The following DOP1A variants were observed in gnomAD, a reference collection of about 807,000 sequenced individuals.
The protein encoded by DOP1A is protein DOP1A.
A neutral mutation model predicts 267.6 loss-of-function variants in DOP1A; 90 were observed. The ratio of observed to expected loss-of-function variants is 0.34; its 90% CI spans 0.28 to 0.40. The LOEUF (loss-of-function observed/expected upper bound fraction) is 0.40. Ranked by LOEUF, DOP1A falls within the 10% of genes least tolerant of loss-of-function variation. DOP1A has a pLI of 1.00. For missense variants in DOP1A, 2,437 were observed against 2,900.4 expected (o/e 0.84, Z 3.67); for synonymous variants, 932 against 999.1 (o/e 0.93, Z 1.27).
chr6:83,152,708 C>A (rs886872612), intron 30 of DOP1A, among the ~76,000 whole-genome samples: 2 of 150,732 alleles, frequency 1.3e-5, no homozygotes, highest in African/African-American at 2.4e-5. Flanking sequence ...ACCTCTGCCT[C>A]CCGGGCTCAA....
At chr6:83,156,611 C>A (rs1782854752) in intron 34 of DOP1A, among the ~76,000 whole-genome samples, 1 of 152,124 alleles carries the variant, frequency 6.6e-6, no homozygotes, top group Non-Finnish European at 1.5e-5. Context: ...CCCTGTACCA[C>A]CAAATAGCTC....
intron 33 of DOP1A, 148 bp from the exon 34 acceptor site, chr6:83,155,803 C>T: frequency 2.3e-6 from 2 of 859,992 alleles, no homozygotes; most frequent in Non-Finnish European, 3.4e-6. Flanking sequence ...TGTTTGCCAG[C>T]CTGTCTGCCC....
Position 83,131,512 on chromosome 6 carries a change from G to A in DOP1A, c.2617-664G>A, listed in dbSNP as rs556335477. Reference sequence around the variant, plus strand: ...TCAACTATGAATTATTTTTCACTCTGTAATATACAACCATAAATATTAAAT... The same window carrying A: ...TCAACTATGAATTATTTTTCACTCTATAATATACAACCATAAATATTAAAT... On this transcript the variant is annotated intron_variant, in intron 17 of 38. Coordinates refer to ENST00000349129, the MANE Select transcript of DOP1A (RefSeq NM_015018.4). Among the ~76,000 whole-genome samples, 21 of 152,184 alleles carry A rather than the reference G, an allele frequency of 1.4e-4. 1 individual carries two copies. The South Asian group carries it at 4.2e-3, about 30-fold the overall frequency.
chr6:83,115,129 T>C (rs534046031), intron 7 of DOP1A, among the ~76,000 whole-genome samples: 38 of 152,318 alleles, frequency 2.5e-4, no homozygotes, highest in African/African-American at 8.9e-4. Flanking sequence ...GCTACACTTC[T>C]TTAACTTGTT....
intron 15 of DOP1A, 141 bp from the exon 16 acceptor site, chr6:83,128,746 A>T: frequency 1.1e-6 from 1 of 879,268 alleles, no homozygotes; most frequent in Non-Finnish European, 1.6e-6. Flanking sequence ...TGAATAAATC[A>T]GTGTGGGGCT....
Position 83,109,085 on chromosome 6 carries a change from GATC to G in DOP1A, c.491+8_491+10del. 1 of 1,607,442 alleles carries G rather than the reference GATC, an allele frequency of 6.2e-7. No homozygotes were observed. The highest frequency in any genetic ancestry group is 2.2e-5 in the East Asian group (1 of 44,746). On this transcript the variant is annotated splice_donor_region_variant and intron_variant, in intron 5 of 38. Coordinates refer to ENST00000349129, the MANE Select transcript of DOP1A (RefSeq NM_015018.4). ...AGGATCAGAGTACTATGAGAGGTAA[GATC>G]ATATTTGGTGCAGTTATGTAATTGA...
At chr6:83,069,066 T>A (rs957269898) in intron 1 of DOP1A, among the ~76,000 whole-genome samples, 1 of 152,184 alleles carries the variant, frequency 6.6e-6, no homozygotes, top group Non-Finnish European at 1.5e-5. Flanking sequence ...TTCAAAGAAG[T>A]CCTATTTTGT....
chr6:83,093,906 T>C (rs1181030949), intron 1 of DOP1A, among the ~76,000 whole-genome samples: 1 of 152,194 alleles, frequency 6.6e-6, no homozygotes, highest in African/African-American at 2.4e-5. Flanking sequence ...AGAGTGAGAC[T>C]CCGTCTCAAA....
In DOP1A at chr6:83,138,033, T is replaced by G; in HGVS notation, c.3991T>G (p.Leu1331Val). ...TGTATTCTTCAGTGATGGTCTGGAT[T>G]TAGAGAACTGGTATAGCTGTGGAGA... is the stretch of plus-strand genomic sequence containing the variant. ...TSVFFSDGLD[L>V]ENWYSCGEGD... The change falls in exon 21 of 39, where the codon TTA (leucine) becomes GTA (valine). Residue 1331 changes from leucine (L) to valine (V), a missense_variant. Leu to Val is a conservative substitution (Grantham distance 32). Transcript: ENST00000349129. The G allele has an allele frequency of 6.2e-7, 1 of 1,611,034 alleles. No individual in the cohort carries two copies. Among genetic ancestry groups the G allele is most frequent in the Non-Finnish European group, 8.5e-7 (1 of 1,178,838 alleles).
intron 1 of DOP1A, among the ~76,000 whole-genome samples, chr6:83,077,356 A>G (rs866385498): frequency 2.4e-4 from 36 of 152,022 alleles, no homozygotes; most frequent in African/African-American, 7.7e-4. Flanking sequence ...TAAATGTTAT[A>G]TGCTTTAAAA....
rs537014753 is a variant in DOP1A, at chr6:83,134,244, C to A, written c.2827C>A (p.Leu943Ile). 1.9e-5 allele frequency: 31 copies of A among 1,612,872 alleles called. No homozygotes were observed. In the East Asian group the frequency reaches 6.5e-4, roughly 34 times the overall value. ...FAVLWHLTRD[L>I]HINKSSSFVR... is the part of the protein sequence containing the mutation. ...AGTTCTTTGGCATCTAACGAGAGAT[C>A]TCCATATAAATAAATCTTCATCTTT... Residue 943 changes from leucine to isoleucine, a missense_variant, in exon 19 of 39, where the codon CTC becomes ATC. Leu to Ile is a conservative substitution (Grantham distance 5, BLOSUM62 2). Coordinates refer to ENST00000349129, the MANE Select transcript of DOP1A (RefSeq NM_015018.4).
At chr6:83,134,322 T>C in intron 19 of DOP1A, 35 bp downstream of exon 19, 1 of 1,563,176 alleles carries the variant, frequency 6.4e-7, no homozygotes, top group Non-Finnish European at 8.8e-7. Flanking sequence ...TTCACAGTCA[T>C]ATATCTTAAT....
At position 83,096,988 on chromosome 6, in the gene DOP1A, A is replaced by G; in HGVS notation, c.11A>G (p.Glu4Gly). The change falls in exon 3 of 39, where the codon GAA becomes GGA. Residue 4 changes from glutamate to glycine, a missense_variant. Around this residue, in one of 9 missense-constraint regions of DOP1A, gnomAD observed 251 missense variants for 359.1 expected, o/e 0.70. Transcript: ENST00000349129. ...GGAAGTTGTGGGAGGATGAACACAG[A>G]AGAGCTGGAGTTATTGAGTGACTCC... is the stretch of plus-strand genomic sequence containing the variant. MNTEELELLSDSKY... is the reference protein window; with the variant it reads MNTGELELLSDSKY... 1 of 1,614,018 alleles carries G rather than the reference A, an allele frequency of 6.2e-7. No homozygotes were observed. The highest frequency in any genetic ancestry group is 1.3e-5 in the African/African-American group (1 of 75,054).
At chr6:83,146,386 TTTATC>T (rs1339749605) in intron 25 of DOP1A, among the ~76,000 whole-genome samples, 3 of 152,204 alleles carry the variant, frequency 2.0e-5, no homozygotes, top group African/African-American at 7.2e-5. Context: ...ATGTTTTCCT[TTTATC>T]TTGTGTTTCC....
Position 83,130,310 on chromosome 6 carries a change from A to G in DOP1A, c.2529A>G (p.Pro843=). Residue 843 remains proline, a synonymous_variant, in exon 17 of 39, where the codon CCA becomes CCG. Coordinates refer to ENST00000349129, the MANE Select transcript of DOP1A (RefSeq NM_015018.4). The part of the protein sequence containing the change: ...NSVEPAQPLS[P]NQGRVAVVIR... Reference sequence around the variant, plus strand: ...TAGAGCCTGCACAACCCTTAAGTCCAAACCAGGGAAGAGTAGCTGTGGTTA... The same window carrying G: ...TAGAGCCTGCACAACCCTTAAGTCCGAACCAGGGAAGAGTAGCTGTGGTTA... 6.2e-7 allele frequency: 1 copy of G among 1,614,056 alleles called. No individual in the cohort carries two copies. The highest frequency in any genetic ancestry group is 1.7e-4 in the Middle Eastern group (1 of 6,060).
Position 83,129,429 on chromosome 6 carries a change from C to A in DOP1A, c.2262C>A (p.Phe754Leu). 1 of 1,599,852 alleles carries A rather than the reference C, an allele frequency of 6.3e-7. No homozygotes were observed. Among genetic ancestry groups the A allele is most frequent in the Non-Finnish European group, 8.5e-7 (1 of 1,175,854 alleles). ...CCTTCCTTGCTGCCTGTCAGCTCTT[C>A]CTAGAGTGCTCAAGTTTCCCAGTTT... ...LSAFLAACQL[F>L]LECSSFPVYI... is the part of the protein sequence containing the mutation. The change falls in exon 16 of 39, where the codon TTC (phenylalanine) becomes TTA (leucine). Residue 754 changes from phenylalanine to leucine, a missense_variant. Coordinates refer to ENST00000349129, the MANE Select transcript of DOP1A (RefSeq NM_015018.4).
At position 83,130,194 on chromosome 6, in the gene DOP1A, A is replaced by G. The variant is rs778495561; in HGVS notation, c.2413A>G (p.Ser805Gly). The G allele has an allele frequency of 1.9e-6, 3 of 1,614,114 alleles. No homozygotes were observed. Among genetic ancestry groups the G allele is most frequent in the Non-Finnish European group, 2.5e-6 (3 of 1,179,992 alleles). Residue 805 changes from serine to glycine, a missense_variant, in exon 17 of 39, where the codon AGT becomes GGT. Physicochemically the swap from Ser to Gly is moderately conservative, Grantham distance 56. Transcript: ENST00000349129. Reference protein sequence around the residue: ...MNACSQASDFSVQSVAISLVM... With the variant: ...MNACSQASDFGVQSVAISLVM... ...TGCTTGCAGCCAAGCAAGTGATTTCAGTGTTCAGAGTGTTGCTATTTCACT... is the reference window on the plus strand; with the variant it reads ...TGCTTGCAGCCAAGCAAGTGATTTCGGTGTTCAGAGTGTTGCTATTTCACT...
chr6:83,095,017 C>G (rs762392994), intron 1 of DOP1A, among the ~76,000 whole-genome samples: 1 of 152,114 alleles, frequency 6.6e-6, no homozygotes, highest in Non-Finnish European at 1.5e-5. Context: ...ACTGCAGCCT[C>G]GGACTGCCGG....
In DOP1A at chr6:83,151,653, C is replaced by T. The variant is rs780823942; in HGVS notation, c.5898C>T (p.Asp1966=). Residue 1966 remains aspartate (D), a synonymous_variant, in exon 28 of 39, where the codon GAC becomes GAT. Transcript: ENST00000349129. ...PSLENKKDQR[D]LQDVTHKIVD... The stretch of plus-strand genomic sequence containing the variant: ...TGGAAAATAAAAAAGACCAAAGAGA[C>T]CTTCAGGTAAGGCAGTCTAAGAGCT... The T allele has an allele frequency of 1.2e-6, 2 of 1,607,452 alleles. No homozygotes were observed. The highest frequency in any genetic ancestry group is 2.7e-5 in the African/African-American group (2 of 74,618).
Sources: gnomAD v4.1 joint callset for allele counts (sites outside exome capture counted in the v4.1 genomes callset) on GRCh38, gnomAD v4.1.1 for gene constraint, gnomAD v4.1.1 regional missense constraint, MANE v1.5 for transcripts, NCBI Gene and HGNC (gene_info 2026-07-23, HGNC 2026-07-21) for gene names.